The following PCDHGA2 variants were observed in gnomAD, a reference collection of about 807,000 sequenced individuals.
PCDHGA2 encodes protocadherin gamma subfamily A, 2.
In PCDHGA2, 40 loss-of-function variants were observed where a neutral mutation model predicts 59.2. That is an observed-to-expected ratio of 0.68 (90% CI 0.52 to 0.88). The LOEUF is 0.88. Among genes scored for constraint, PCDHGA2 ranks in the 40% least tolerant of loss-of-function variants. The pLI, the probability that PCDHGA2 is intolerant of heterozygous loss-of-function variation, is 0.00. For missense variants in PCDHGA2, 1,226 were observed against 1,204.0 expected, an observed-to-expected ratio of 1.02 and a Z score of -0.27; for synonymous variants, 560 against 526.0, an observed-to-expected ratio of 1.06 and a Z score of -0.89.
chr5:141,476,071 T>A lies in PCDHGA2; in HGVS notation c.2425-18736T>A. On this transcript the variant is annotated intron_variant, in intron 1 of 3. Transcript: ENST00000394576. The surrounding 1 kb of genome is among the most constrained non-coding windows in gnomAD (Gnocchi z 7.6). ...CCGCTGAAAGTTTCTCAGCGAAATC[T>A]CAGGGACGATCTGGACCCCGCTGAG... 6.6e-7 allele frequency: 1 copy of A among 1,522,792 alleles called. No individual in the cohort carries two copies. The highest frequency in any genetic ancestry group is 8.8e-7 in the Non-Finnish European group (1 of 1,142,680). 94.3% of individuals were successfully genotyped at this position (1,522,792 alleles called of 1,614,324 possible).
intron 1 of PCDHGA2, chr5:141,364,951 T>G: frequency 6.2e-7 from 1 of 1,613,774 alleles, no homozygotes; most frequent in East Asian, 2.2e-5. Context: ...AAGAGACTGT[T>G]CACGACCTCC....
Position 141,341,097 on chromosome 5 carries a change from T to A in PCDHGA2, c.2126T>A (p.Ile709Asn). The change falls in exon 1 of 4, where the codon ATC becomes AAC. Residue 709 changes from isoleucine (I) to asparagine (N), a missense_variant. Transcript: ENST00000394576. ...TCCTGCGTCTTCCTGGCCTTCGTCA[T>A]CGTGTTGCTGGCGCACAGGCTGCGG... ...AVSCVFLAFV[I>N]VLLAHRLRRW... 1.2e-6 allele frequency: 2 copies of A among 1,614,220 alleles called. No homozygotes were observed. The highest frequency in any genetic ancestry group is 1.7e-6 in the Non-Finnish European group (2 of 1,180,040).
chr5:141,510,984 C>G lies in PCDHGA2; in HGVS notation c.2610C>G (p.Ala870=). ...ADGSSTLGGG[A]GTMGLSARYG... ...GGAGCTCCACCCTGGGAGGGGGTGC[C>G]GGCACCATGGGATTGAGCGCCCGCT... The change falls in exon 4 of 4, where the codon GCC becomes GCG. Residue 870 remains alanine (A), a synonymous_variant. Transcript: ENST00000394576. The G allele has an allele frequency of 1.2e-6, 2 of 1,614,162 alleles. No homozygotes were observed. The highest frequency in any genetic ancestry group is 1.7e-6 in the Non-Finnish European group (2 of 1,180,012).
At chr5:141,385,211 C>T (rs1781001155) in intron 1 of PCDHGA2, 1 of 1,614,082 alleles carries the variant, frequency 6.2e-7, no homozygotes, top group Admixed American at 1.7e-5. Flanking sequence ...CTGATCTTCC[C>T]CCAGCCCAAC....
In PCDHGA2 at chr5:141,360,143, C is replaced by T. The variant is rs763145950; in HGVS notation, c.2424+18748C>T. 5 of 1,594,764 alleles carry T rather than the reference C, an allele frequency of 3.1e-6. No homozygotes were observed. In the African/African-American group the frequency reaches 5.4e-5, roughly 17 times the overall value. On this transcript the variant is annotated intron_variant, in intron 1 of 3. Transcript: ENST00000394576. ...AGCAAAGGGAGCCAGAAGATGAAAG[C>T]GAGCTCAGGGAGGTGCGGGCTGGTG...
At chr5:141,343,287 A>G in intron 1 of PCDHGA2, 1 of 968,544 alleles carries the variant, frequency 1.0e-6, no homozygotes, top group Non-Finnish European at 1.2e-6. Flanking sequence ...TTAAAGAAAT[A>G]TAATGTATAA....
At chr5:141,471,963 T>C (rs2024084) in intron 1 of PCDHGA2, among the ~76,000 whole-genome samples, 27,680 of 152,068 alleles carry the variant, frequency 0.18, 3,629 homozygotes, top group African/African-American at 0.37. Context: ...GTGGGGTTGG[T>C]TGCATTACTG....
chr5:141,491,705 G>A lies in PCDHGA2; in HGVS notation c.2425-3102G>A. ...ACGCTGCGGGAGCGGAGCCAGGTGA[G>A]GGGCTCGGCGCCGCCCCGGGCGACC... is the stretch of plus-strand genomic sequence containing the variant. On this transcript the variant is annotated intron_variant, in intron 1 of 3. Transcript: ENST00000394576. The surrounding 1 kb of genome is among the most constrained non-coding windows in gnomAD (Gnocchi z 6.9). 1 of 1,611,064 alleles carries A rather than the reference G, an allele frequency of 6.2e-7. No homozygotes were observed. Among genetic ancestry groups the A allele is most frequent in the South Asian group, 1.1e-5 (1 of 90,828 alleles).
intron 1 of PCDHGA2, chr5:141,418,522 C>A: frequency 6.2e-7 from 1 of 1,614,000 alleles, no homozygotes; most frequent in Non-Finnish European, 8.5e-7. Flanking sequence ...GGGACCCTCC[C>A]CGAAGCGGTA....
chr5:141,486,168 A>C lies in PCDHGA2; in HGVS notation c.2425-8639A>C, dbSNP rs774913463. 6.2e-7 allele frequency: 1 copy of C among 1,614,196 alleles called. No homozygotes were observed. Among genetic ancestry groups the C allele is most frequent in the South Asian group, 1.1e-5 (1 of 91,084 alleles). On this transcript the variant is annotated intron_variant, in intron 1 of 3. Transcript: ENST00000394576. The surrounding 1 kb of genome is among the most constrained non-coding windows in gnomAD (Gnocchi z 5.0). ...GATGGGGGTTCTCCAGCCATGGAGC[A>C]ACATTGCAGCCTTCGAGTGGATCTG...
chr5:141,403,571 G>A (rs778030830), intron 1 of PCDHGA2: 1 of 1,613,904 alleles, frequency 6.2e-7, no homozygotes, highest in Non-Finnish European at 8.5e-7. Context: ...GGAGGCAACT[G>A]CCCACCACCT....
At position 141,340,925 on chromosome 5, in the gene PCDHGA2, C is replaced by T; in HGVS notation, c.1954C>T (p.Pro652Ser). 1.2e-6 allele frequency: 2 copies of T among 1,613,802 alleles called. No homozygotes were observed. Among genetic ancestry groups the T allele is most frequent in the Non-Finnish European group, 1.7e-6 (2 of 1,179,936 alleles). ...GGTGGCCATCCAGGACCACGGCCAG[C>T]CCCCTCTCTCCGCCACTGTCACGCT... ...LVVAIQDHGQ[P>S]PLSATVTLTV... is the part of the protein sequence containing the mutation. The change falls in exon 1 of 4, where the codon CCC (proline) becomes TCC (serine). Residue 652 changes from proline (P) to serine (S), a missense_variant. Transcript: ENST00000394576.
At chr5:141,394,384 A>G (rs1379369009) in intron 1 of PCDHGA2, 2 of 1,614,114 alleles carry the variant, frequency 1.2e-6, no homozygotes, top group African/African-American at 2.7e-5. Flanking sequence ...GACTATGAGC[A>G]GATCCGAGAC....
intron 1 of PCDHGA2, chr5:141,423,080 T>C: frequency 6.2e-7 from 1 of 1,614,050 alleles, no homozygotes; most frequent in East Asian, 2.2e-5. Flanking sequence ...CCGGGACTCT[T>C]CGCGGTGGGG....
At position 141,433,356 on chromosome 5, in the gene PCDHGA2, T is replaced by A. The variant is rs549297958; in HGVS notation, c.2425-61451T>A. On this transcript the variant is annotated intron_variant, in intron 1 of 3. Transcript: ENST00000394576. ...CTACAGGTGCAAGCCACCTACTGTC[T>A]GCCTATCTATCTATCTATCTATCTA... The A allele has an allele frequency of 8.4e-5, 51 of 607,892 alleles. No homozygotes were observed. The African/African-American group carries it at 9.5e-4, about 11-fold the overall frequency. 37.7% of individuals were successfully genotyped at this position (607,892 alleles called of 1,614,324 possible).
intron 1 of PCDHGA2, chr5:141,371,115 G>A (rs757942462): frequency 1.2e-6 from 2 of 1,613,784 alleles, no homozygotes; most frequent in African/African-American, 1.3e-5. Context: ...TAACCCCCCA[G>A]TATTTACTCA....
At chr5:141,383,254 A>G (rs1482301595) in intron 1 of PCDHGA2, 1 of 1,613,948 alleles carries the variant, frequency 6.2e-7, no homozygotes, top group African/African-American at 1.3e-5. Context: ...TCTTTACCCT[A>G]TAGACGTGGA....
Position 141,490,600 on chromosome 5 carries a change from T to G in PCDHGA2, c.2425-4207T>G. 6.2e-7 allele frequency: 1 copy of G among 1,614,164 alleles called. No homozygotes were observed. Among genetic ancestry groups the G allele is most frequent in the South Asian group, 1.1e-5 (1 of 91,072 alleles). ...AGATGTCAATGACAATGCACCCCGCTTCAACCAGCAGCTTTACACTGCTTA... is the reference window on the plus strand; with the variant it reads ...AGATGTCAATGACAATGCACCCCGCGTCAACCAGCAGCTTTACACTGCTTA... On this transcript the variant is annotated intron_variant, in intron 1 of 3. Coordinates refer to ENST00000394576, the MANE Select transcript of PCDHGA2 (RefSeq NM_018915.4). The surrounding 1 kb of genome is among the most constrained non-coding windows in gnomAD (Gnocchi z 5.4).
At chr5:141,368,563 T>C (rs1228765550) in intron 1 of PCDHGA2, among the ~76,000 whole-genome samples, 1 of 152,184 alleles carries the variant, frequency 6.6e-6, no homozygotes, top group Non-Finnish European at 1.5e-5. Context: ...GAAAATGTTA[T>C]ATGCTTCTTA....
Sources: gnomAD v4.1 joint callset for allele counts (sites outside exome capture counted in the v4.1 genomes callset) on GRCh38, gnomAD v4.1.1 for gene constraint, Gnocchi (gnomAD v3.1) non-coding constraint, MANE v1.5 for transcripts, NCBI Gene and HGNC (gene_info 2026-07-23, HGNC 2026-07-21) for gene names.